DGUOK: variants seen among roughly 807,000 people sequenced by gnomAD.
DGUOK encodes deoxyguanosine kinase, also known as deoxyguanosine kinase, mitochondrial.
Under a neutral mutation model 36.6 loss-of-function variants are expected in DGUOK, and 30 were observed. That is an observed-to-expected ratio of 0.82 (90% CI 0.61 to 1.11). The LOEUF is 1.11. DGUOK is among the 50% of genes most tolerant of loss of function. The pLI, the probability that DGUOK is intolerant of heterozygous loss-of-function variation, is 0.00. For missense variants in DGUOK, 361 were observed against 336.4 expected (o/e 1.07, Z -0.57); for synonymous variants, 145 against 126.3 (o/e 1.15, Z -0.99).
At position 73,958,147 on chromosome 2, in the gene DGUOK, C is replaced by T; in HGVS notation, c.709C>T (p.Leu237Phe). 1 of 1,613,138 alleles carries T rather than the reference C, an allele frequency of 6.2e-7. No individual in the cohort carries two copies. ...CCCAAACGTTCACGCTTCTTATAGG[C>T]TCCACTTTGAGGCTCTGATGAACAT... ...EAWLIHKTTK[L>F]HFEALMNIPV... is the part of the protein sequence containing the mutation. Residue 237 changes from leucine (L) to phenylalanine (F), a missense_variant and splice_region_variant, in exon 6 of 7, where the codon CTC becomes TTC. Leu to Phe is a conservative substitution (Grantham distance 22, BLOSUM62 0). Transcript: ENST00000264093.
At chr2:73,954,178 T>A (rs539000562) in intron 4 of DGUOK, among the ~76,000 whole-genome samples, 8 of 151,920 alleles carry the variant, frequency 5.3e-5, no homozygotes, top group Admixed American at 3.3e-4. Flanking sequence ...CCCCCTGCCC[T>A]CTACAAAAAA....
chr2:73,940,216 C>G (rs2694701), intron 2 of DGUOK, among the ~76,000 whole-genome samples: 84,416 of 152,050 alleles, frequency 0.56, 24,612 homozygotes, highest in Non-Finnish European at 0.63. Flanking sequence ...TTCTCTCTTT[C>G]AAGCCAAACA....
In DGUOK at chr2:73,937,853, C is replaced by T. The variant is rs570675751; in HGVS notation, c.143-1057C>T. On this transcript the variant is annotated intron_variant, in intron 1 of 6. Coordinates refer to ENST00000264093, the MANE Select transcript of DGUOK (RefSeq NM_080916.3). The stretch of plus-strand genomic sequence containing the variant: ...CTCGAAACAACCACTACTTTTCACT[C>T]CTCTGCCATCACCTCGGGGCAAGCT... 1.4e-4 allele frequency among the ~76,000 whole-genome samples: 21 copies of T among 152,298 alleles called. No individual in the cohort carries two copies. In the South Asian group the frequency reaches 3.7e-3, roughly 27 times the overall value.
chr2:73,929,659 G>T (rs1680868307), intron 1 of DGUOK, among the ~76,000 whole-genome samples: 1 of 152,164 alleles, frequency 6.6e-6, no homozygotes, highest in African/African-American at 2.4e-5. Flanking sequence ...AAACAAAAGA[G>T]AATGATATCC....
chr2:73,929,727 T>C (rs1002109259), intron 1 of DGUOK, among the ~76,000 whole-genome samples: 2 of 152,114 alleles, frequency 1.3e-5, no homozygotes, highest in Non-Finnish European at 2.9e-5. Context: ...TGTTATACTG[T>C]TTAAGTAAAT....
At chr2:73,937,024 T>C (rs901681039) in intron 1 of DGUOK, among the ~76,000 whole-genome samples, 9 of 152,200 alleles carry the variant, frequency 5.9e-5, no homozygotes, top group African/African-American at 2.2e-4. Context: ...AAAGTCATAT[T>C]TGCAAGAGAA....
chr2:73,931,749 GATGA>G (rs1329357458), intron 1 of DGUOK, among the ~76,000 whole-genome samples: 1 of 152,198 alleles, frequency 6.6e-6, no homozygotes, highest in Non-Finnish European at 1.5e-5. Context: ...CAGTTTGTTG[GATGA>G]ATGAATAGAT....
At chr2:73,930,710 G>T (rs1450857721) in intron 1 of DGUOK, among the ~76,000 whole-genome samples, 1 of 151,304 alleles carries the variant, frequency 6.6e-6, no homozygotes, top group African/African-American at 2.4e-5. Context: ...CAGTGAATGG[G>T]ATACAGCTCC....
At position 73,950,616 on chromosome 2, in the gene DGUOK, G is replaced by A; in HGVS notation, c.475G>A (p.Gly159Ser). The change falls in exon 4 of 7, where the codon GGT becomes AGT. Residue 159 changes from glycine to serine, a missense_variant. Physicochemically the swap from Gly to Ser is moderately conservative, Grantham distance 56 (BLOSUM62 0). Transcript: ENST00000264093. ...CTTTGCAAAGAATCTTTTTGAAAATGGTTCCCTCAGTGACATCGAGTGGCA... is the reference window on the plus strand; with the variant it reads ...CTTTGCAAAGAATCTTTTTGAAAATAGTTCCCTCAGTGACATCGAGTGGCA... ...YIFAKNLFEN[G>S]SLSDIEWHIY... 1 of 1,614,096 alleles carries A rather than the reference G, an allele frequency of 6.2e-7. No homozygotes were observed. Among genetic ancestry groups the A allele is most frequent in the Non-Finnish European group, 8.5e-7 (1 of 1,180,010 alleles).
chr2:73,954,604 AGTGCAGCTGATCAAT>A (rs1319013764), intron 4 of DGUOK, among the ~76,000 whole-genome samples: 1 of 152,094 alleles, frequency 6.6e-6, no homozygotes, highest in African/African-American at 2.4e-5. Flanking sequence ...GAATCAAGAG[AGTGCAGCTGATCAAT>A]GTACATCAAA....
intron 2 of DGUOK, among the ~76,000 whole-genome samples, chr2:73,939,399 CTTAGAAA>C (rs1681732748): frequency 6.6e-6 from 1 of 152,210 alleles, no homozygotes; most frequent in African/African-American, 2.4e-5. Flanking sequence ...TAAATAAAGT[CTTAGAAA>C]TTAGAAGGGA....
chr2:73,942,171 A>G (rs1681953992), intron 2 of DGUOK, among the ~76,000 whole-genome samples: 1 of 152,110 alleles, frequency 6.6e-6, no homozygotes, highest in African/African-American at 2.4e-5. Context: ...TGGCCTCCCA[A>G]AGTGCTGAGA....
At chr2:73,938,693 G>A (rs935422641) in intron 1 of DGUOK, among the ~76,000 whole-genome samples, 3 of 152,164 alleles carry the variant, frequency 2.0e-5, no homozygotes, top group Admixed American at 6.5e-5. Flanking sequence ...ATCTTAAAAG[G>A]AATTTTTCCT....
chr2:73,946,580 TG>T, intron 2 of DGUOK, 138 bp from the exon 3 acceptor site: 1 of 808,370 alleles, frequency 1.2e-6, no homozygotes, highest in Non-Finnish European at 2.0e-6. Context: ...ACCTTTTTGG[TG>T]GAAGGAAACT....
chr2:73,932,716 T>G (rs1272960634), intron 1 of DGUOK: 1 of 1,153,382 alleles, frequency 8.7e-7, no homozygotes, highest in African/African-American at 1.6e-5. Context: ...GTATTCCTTC[T>G]GCTCTAAGTC....
chr2:73,951,452 G>A (rs1415084589), intron 4 of DGUOK, among the ~76,000 whole-genome samples: 4 of 150,466 alleles, frequency 2.7e-5, no homozygotes, highest in East Asian at 1.9e-4. Flanking sequence ...CTGAGTCAAG[G>A]TGAGTTTTTT....
In DGUOK at chr2:73,946,897, A is replaced by ACCTGTGTAC; in HGVS notation, c.435_436insCTGTGTACC (p.Tyr145_Ser146insLeuCysThr). 6.2e-7 allele frequency: 1 copy of ACCTGTGTAC among 1,611,816 alleles called. No homozygotes were observed. Among genetic ancestry groups the ACCTGTGTAC allele is most frequent in the Non-Finnish European group, 8.5e-7 (1 of 1,179,296 alleles). On this transcript the variant is annotated inframe_insertion, in exon 3 of 7. Transcript: ENST00000264093. Reference sequence around the variant, plus strand: ...GTACAGATCTTTGAGAGGTCTGTGTACAGTGACAGGTAAAATGCCAAGCCC... The same window carrying ACCTGTGTAC: ...GTACAGATCTTTGAGAGGTCTGTGTACCTGTGTACCAGTGACAGGTAAAATGCCAAGCCC...
At chr2:73,940,694 C>T (rs576486001) in intron 2 of DGUOK, among the ~76,000 whole-genome samples, 2 of 152,286 alleles carry the variant, frequency 1.3e-5, no homozygotes, top group East Asian at 3.9e-4. Flanking sequence ...CATATTTTTA[C>T]TGTACCTTTT....
chr2:73,957,707 A>G (rs1683226301), intron 5 of DGUOK, among the ~76,000 whole-genome samples: 1 of 152,228 alleles, frequency 6.6e-6, no homozygotes, highest in Non-Finnish European at 1.5e-5. Context: ...TTTACATTCC[A>G]AGGGCCTTTT....
Sources: allele counts gnomAD v4.1 joint callset (sites outside exome capture counted in the v4.1 genomes callset), GRCh38; gene constraint gnomAD v4.1.1; transcripts MANE v1.5; gene names NCBI Gene and HGNC (gene_info 2026-07-23, HGNC 2026-07-21).